CDC27: variants seen among roughly 807,000 people sequenced by gnomAD.
The protein encoded by CDC27 is cell division cycle protein 27 homolog.
In CDC27, 27 loss-of-function variants were observed where a neutral mutation model predicts 109.7. The ratio of observed to expected loss-of-function variants is 0.25; its 90% CI spans 0.18 to 0.34. The LOEUF (loss-of-function observed/expected upper bound fraction) is 0.34. Among genes scored for constraint, CDC27 ranks in the 10% least tolerant of loss-of-function variants. CDC27 has a pLI of 1.00. For missense variants in CDC27, 579 were observed against 960.2 expected, an observed-to-expected ratio of 0.60 and a Z score of 5.25; for synonymous variants, 266 against 333.9, an observed-to-expected ratio of 0.80 and a Z score of 2.22.
At chr17:47,162,584 A>C (rs2063529153) in intron 4 of CDC27, among the ~76,000 whole-genome samples, 1 of 152,236 alleles carries the variant, frequency 6.6e-6, no homozygotes, top group Non-Finnish European at 1.5e-5. Flanking sequence ...AACTGTATGA[A>C]TTATTTACAT....
chr17:47,154,088 C>CA (rs536543231), intron 8 of CDC27, among the ~76,000 whole-genome samples: 891 of 70,352 alleles, frequency 0.013, 10 homozygotes, highest in African/African-American at 0.038. Context: ...GACCCTGTCT[C>CA]AAAAAAAAAA....
At chr17:47,133,137 A>ATATATAAT (rs1482881195) in intron 14 of CDC27, among the ~76,000 whole-genome samples, 2 of 114,828 alleles carry the variant, frequency 1.7e-5, no homozygotes, top group Admixed American at 9.2e-5. Context: ...ATATATATAT[A>ATATATAAT]ATATATATGT....
intron 7 of CDC27, among the ~76,000 whole-genome samples, chr17:47,156,240 G>A (rs1008875444): frequency 6.6e-6 from 1 of 152,044 alleles, no homozygotes; most frequent in African/African-American, 2.4e-5. Flanking sequence ...CCGGGTTCAA[G>A]TGATTCTCTT....
chr17:47,139,162 G>A (rs2062717008), intron 12 of CDC27, among the ~76,000 whole-genome samples: 1 of 151,822 alleles, frequency 6.6e-6, no homozygotes, highest in African/African-American at 2.4e-5. Flanking sequence ...CTACCAAAAA[G>A]ACCGAAGAGA....
intron 2 of CDC27, among the ~76,000 whole-genome samples, chr17:47,178,896 G>A (rs962708935): frequency 2.6e-5 from 4 of 151,822 alleles, no homozygotes; most frequent in Non-Finnish European, 5.9e-5. Context: ...TCCGCCTCCC[G>A]GGTTCAAGCA....
intron 4 of CDC27, 50 bp from the exon 5 acceptor site, chr17:47,158,353 T>C: frequency 1.1e-6 from 1 of 892,126 alleles, no homozygotes; most frequent in African/African-American, 1.7e-5. Context: ...CCAAAACCTG[T>C]ATCATAAACT....
In CDC27 at chr17:47,189,249, A is replaced by T; in HGVS notation, c.-77T>A. ...GCTCCGGCCCGGCCAGCCCCTGCTC[A>T]TTTAAACTCACCAGCGACCGTTACC... On this transcript the variant is annotated 5_prime_UTR_variant, in exon 1 of 19. An upstream start codon of the reference 5' UTR is lost. Coordinates refer to ENST00000066544, the MANE Select transcript of CDC27 (RefSeq NM_001256.6). The T allele has an allele frequency of 8.8e-7, 1 of 1,133,664 alleles. No individual in the cohort carries two copies. The highest frequency in any genetic ancestry group is 1.2e-5 in the South Asian group (1 of 80,898). 70.2% of individuals were successfully genotyped at this position (1,133,664 alleles called of 1,614,324 possible).
chr17:47,163,084 C>A (rs2063542736), intron 4 of CDC27, among the ~76,000 whole-genome samples: 1 of 151,970 alleles, frequency 6.6e-6, no homozygotes, highest in Non-Finnish European at 1.5e-5. Flanking sequence ...CACACAAAAC[C>A]CAGCCAGAAG....
chr17:47,180,945 T>TCAAAAAAAAAAA (rs1555560988), intron 2 of CDC27, among the ~76,000 whole-genome samples: 1 of 111,674 alleles, frequency 9.0e-6, no homozygotes, highest in African/African-American at 3.5e-5. Context: ...ACTCTTTTCT[T>TCAAAAAAAAAAA]AAAAAAAAAA....
chr17:47,145,282 A>G (rs148956369), intron 9 of CDC27, among the ~76,000 whole-genome samples: 2 of 152,328 alleles, frequency 1.3e-5, no homozygotes, highest in East Asian at 1.9e-4. Flanking sequence ...GAAAATGTTG[A>G]GAATTTGAGA....
chr17:47,153,275 T>C (rs1301822991), intron 8 of CDC27, among the ~76,000 whole-genome samples: 1 of 152,218 alleles, frequency 6.6e-6, no homozygotes, highest in Non-Finnish European at 1.5e-5. Flanking sequence ...GAGAGCAATC[T>C]TATCTGGGCA....
At chr17:47,127,410 G>GTT (rs547568828) in intron 16 of CDC27, among the ~76,000 whole-genome samples, 1 of 150,472 alleles carries the variant, frequency 6.6e-6, no homozygotes, top group African/African-American at 2.4e-5. Flanking sequence ...CTATTTTTAC[G>GTT]TTTTTTTTTG....
rs373670800 is a variant in CDC27 at position 47,160,695 on chromosome 17, A to G, written c.378-2392T>C. On this transcript the variant is annotated intron_variant, in intron 4 of 18. Coordinates refer to ENST00000066544, the MANE Select transcript of CDC27 (RefSeq NM_001256.6). Reference sequence around the variant, plus strand: ...TTCTTCCAAAATTCTAAGGTTTTATATATAAAGGACCAGAAGAAATCTAAC... The same window carrying G: ...TTCTTCCAAAATTCTAAGGTTTTATGTATAAAGGACCAGAAGAAATCTAAC... Among the ~76,000 whole-genome samples, 3 of 152,244 alleles carry G rather than the reference A, an allele frequency of 2.0e-5. No individual in the cohort carries two copies. In the East Asian group the frequency reaches 5.8e-4, roughly 29 times the overall value.
intron 16 of CDC27, among the ~76,000 whole-genome samples, 189 bp downstream of exon 16, chr17:47,129,204 A>G (rs2062241594): frequency 6.6e-6 from 1 of 152,224 alleles, no homozygotes; most frequent in African/African-American, 2.4e-5. Context: ...ATATATTCCT[A>G]AATATCCACA....
At chr17:47,132,097 T>TTTTC (rs1474721512) in intron 15 of CDC27, among the ~76,000 whole-genome samples, 160 bp downstream of exon 15, 1 of 150,772 alleles carries the variant, frequency 6.6e-6, no homozygotes, top group Non-Finnish European at 1.5e-5. Flanking sequence ...TCTGTGATTT[T>TTTTC]TTATGCTAAG....
chr17:47,179,986 A>T (rs1008295136), intron 2 of CDC27, among the ~76,000 whole-genome samples: 3 of 152,160 alleles, frequency 2.0e-5, no homozygotes, highest in African/African-American at 7.2e-5. Flanking sequence ...ACAGTGGCCG[A>T]GTACAGTGGC....
chr17:47,129,558 G>C, intron 15 of CDC27, 37 bp from the exon 16 acceptor site: 1 of 1,483,444 alleles, frequency 6.7e-7, no homozygotes, highest in Non-Finnish European at 9.2e-7. Context: ...ACTCCCTCTT[G>C]ATATTTATGA....
rs2062802129 is a variant in CDC27 at position 47,141,853 on chromosome 17, T to C, written c.1551A>G (p.Gln517=). ...ATATATAACCATTTTCTATACTTAC[T>C]TGCATGTACTCTGAAAGTTCAAAAT... The part of the protein sequence containing the change: ...RAYFELSEYM[Q]AERIFSEVRR... Residue 517 remains glutamine, a splice_region_variant and synonymous_variant, in exon 12 of 19, where the codon CAA becomes CAG. Coordinates refer to ENST00000066544, the MANE Select transcript of CDC27 (RefSeq NM_001256.6). The C allele has an allele frequency of 3.2e-6, 5 of 1,573,162 alleles. No individual in the cohort carries two copies. Among genetic ancestry groups the C allele is most frequent in the Non-Finnish European group, 4.3e-6 (5 of 1,162,556 alleles).
At chr17:47,152,666 C>T (rs1450759821) in intron 8 of CDC27, among the ~76,000 whole-genome samples, 1 of 152,098 alleles carries the variant, frequency 6.6e-6, no homozygotes, top group African/African-American at 2.4e-5. Context: ...TTACTGTTAC[C>T]CTGATGTCCT....
Sources: gnomAD v4.1 joint callset for allele counts (sites outside exome capture counted in the v4.1 genomes callset) on GRCh38, gnomAD v4.1.1 for gene constraint, MANE v1.5 for transcripts, NCBI Gene and HGNC (gene_info 2026-07-23, HGNC 2026-07-21) for gene names.